The following SLC24A2 variants were observed in gnomAD, a reference collection of about 807,000 sequenced individuals.
The protein encoded by SLC24A2 is solute carrier family 24 member 2, also known as sodium/potassium/calcium exchanger 2.
Under a neutral mutation model 62.0 loss-of-function variants are expected in SLC24A2, and 36 were observed. The observed-to-expected ratio is 0.58, with a 90% CI of 0.44 to 0.77. The LOEUF (loss-of-function observed/expected upper bound fraction) is 0.77. Ranked by LOEUF, SLC24A2 falls within the 30% of genes least tolerant of loss-of-function variation. The pLI is 0.00. For missense variants in SLC24A2, 846 were observed against 817.9 expected (o/e 1.03, Z -0.42); for synonymous variants, 358 against 294.0 (o/e 1.22, Z -2.23).
the SLC24A2 span, among the ~76,000 whole-genome samples, chr9:20,163,125 G>A: frequency 5.3e-5 from 8 of 152,186 alleles, no homozygotes; most frequent in South Asian, 1.7e-3. Context: ...TGGAAGTTCT[G>A]GCCAGGGCAA....
At chr9:20,209,456 AAC>A in the SLC24A2 span, among the ~76,000 whole-genome samples, 4 of 152,152 alleles carry the variant, frequency 2.6e-5, no homozygotes. Flanking sequence ...TAAAATCTGA[AAC>A]ACAGTGCTAA....
At chr9:19,562,450 C>T (rs946722383) in intron 7 of SLC24A2, among the ~76,000 whole-genome samples, 6 of 152,128 alleles carry the variant, frequency 3.9e-5, no homozygotes, top group Non-Finnish European at 8.8e-5. Flanking sequence ...CAGCGAGATT[C>T]TCAGCGAATA....
At chr9:19,896,015 G>A in the SLC24A2 span, 23 of 1,489,878 alleles carry the variant, frequency 1.5e-5, no homozygotes, top group South Asian at 2.4e-5. Context: ...CGGCAGGGTC[G>A]TGGGAAGCCA....
At chr9:20,067,910 G>C in the SLC24A2 span, among the ~76,000 whole-genome samples, 14 of 152,080 alleles carry the variant, frequency 9.2e-5, no homozygotes, top group African/African-American at 3.4e-4. Context: ...CCAGTAATGG[G>C]ATTTCTGGGT....
At chr9:19,862,244 CAGACT>C in the SLC24A2 span, among the ~76,000 whole-genome samples, 1 of 152,102 alleles carries the variant, frequency 6.6e-6, no homozygotes, top group Non-Finnish European at 1.5e-5. Flanking sequence ...TGTCTGGCAG[CAGACT>C]ATTCAGTGGA....
At chr9:20,267,683 T>C in the SLC24A2 span, among the ~76,000 whole-genome samples, 1 of 152,216 alleles carries the variant, frequency 6.6e-6, no homozygotes, top group Non-Finnish European at 1.5e-5. Flanking sequence ...GATCAATAAA[T>C]GAATAAATTG....
At chr9:20,264,032 G>T in the SLC24A2 span, among the ~76,000 whole-genome samples, 1 of 152,114 alleles carries the variant, frequency 6.6e-6, no homozygotes, top group Non-Finnish European at 1.5e-5. Context: ...TGACAAGAGA[G>T]ACCCAATGCT....
intron 8 of SLC24A2, among the ~76,000 whole-genome samples, chr9:19,543,805 T>C (rs1304877804): frequency 1.3e-5 from 2 of 152,240 alleles, no homozygotes; most frequent in Non-Finnish European, 2.9e-5. Flanking sequence ...CTGTTTGTTA[T>C]GATTTCCATT....
chr9:20,019,578 G>T, the SLC24A2 span, among the ~76,000 whole-genome samples: 1 of 152,094 alleles, frequency 6.6e-6, no homozygotes, highest in Admixed American at 6.5e-5. Flanking sequence ...ACTCAAGGTG[G>T]ATAAAAGATT....
the SLC24A2 span, among the ~76,000 whole-genome samples, chr9:20,189,983 C>A: frequency 9.9e-5 from 15 of 152,138 alleles, no homozygotes; most frequent in Non-Finnish European, 1.9e-4. Context: ...CAGAGTGGGA[C>A]TGATCCAAGC....
chr9:19,836,205 A>T, the SLC24A2 span, among the ~76,000 whole-genome samples: 1 of 152,216 alleles, frequency 6.6e-6, no homozygotes, highest in Non-Finnish European at 1.5e-5. Flanking sequence ...AAGCTAGCAG[A>T]AGGCAAGAAA....
the SLC24A2 span, among the ~76,000 whole-genome samples, chr9:20,235,679 C>T: frequency 3.5e-4 from 54 of 152,166 alleles, no homozygotes; most frequent in Non-Finnish European, 5.1e-4. Context: ...TTGTGCTTCC[C>T]GGGTGAGGCA....
At chr9:20,058,327 G>A in the SLC24A2 span, among the ~76,000 whole-genome samples, 5 of 152,026 alleles carry the variant, frequency 3.3e-5, no homozygotes, top group African/African-American at 7.2e-5. Context: ...AGACCCCAGT[G>A]GAAAACATAA....
chr9:20,064,741 C>A, the SLC24A2 span, among the ~76,000 whole-genome samples: 1 of 152,202 alleles, frequency 6.6e-6, no homozygotes, highest in East Asian at 1.9e-4. Flanking sequence ...AAGCACCCAC[C>A]GCTGAAGCTG....
At chr9:19,768,712 GA>G (rs1822592346) in intron 2 of SLC24A2, among the ~76,000 whole-genome samples, 1 of 152,134 alleles carries the variant, frequency 6.6e-6, no homozygotes, top group African/African-American at 2.4e-5. Flanking sequence ...TTTATTTCAG[GA>G]ATTTTCCATT....
At chr9:19,835,473 C>A in the SLC24A2 span, among the ~76,000 whole-genome samples, 9 of 152,102 alleles carry the variant, frequency 5.9e-5, no homozygotes, top group South Asian at 4.1e-4. Context: ...TCAAAAGAGA[C>A]AAAGAAGGCC....
At chr9:19,620,454 G>T (rs549715431) in intron 3 of SLC24A2, among the ~76,000 whole-genome samples, 2 of 152,274 alleles carry the variant, frequency 1.3e-5, no homozygotes, top group East Asian at 3.9e-4. Context: ...GAAACCATGA[G>T]AACTCTCCCG....
chr9:19,856,467 T>A, the SLC24A2 span, among the ~76,000 whole-genome samples: 1 of 152,082 alleles, frequency 6.6e-6, no homozygotes, highest in Admixed American at 6.5e-5. Context: ...TGGATGGGGT[T>A]TTTGTGGGGT....
chr9:19,881,228 C>G, the SLC24A2 span, among the ~76,000 whole-genome samples: 1 of 152,022 alleles, frequency 6.6e-6, no homozygotes, highest in Non-Finnish European at 1.5e-5. Context: ...CCGAGATCCT[C>G]CAATATTTAG....
Sources: allele counts gnomAD v4.1 joint callset (sites outside exome capture counted in the v4.1 genomes callset), GRCh38; gene constraint gnomAD v4.1.1; transcripts MANE v1.5; gene names NCBI Gene and HGNC (gene_info 2026-07-23, HGNC 2026-07-21).